Variants in SLC49A4 observed in about 807,000 individuals in gnomAD.
SLC49A4 encodes disrupted in renal cancer protein 2.
A neutral mutation model predicts 50.6 loss-of-function variants in SLC49A4; 36 were observed. The observed-to-expected ratio is 0.71, with a 90% CI of 0.55 to 0.94. The LOEUF is 0.94. Among genes scored for constraint, SLC49A4 ranks in the 40% least tolerant of loss-of-function variants. SLC49A4 has a pLI of 0.00. For missense variants in SLC49A4, 503 were observed against 605.7 expected (o/e 0.83, Z 1.78); for synonymous variants, 248 against 241.2 (o/e 1.03, Z -0.26).
intron 2 of SLC49A4, among the ~76,000 whole-genome samples, chr3:122,824,770 T>A (rs1236576397): frequency 6.8e-6 from 1 of 147,032 alleles, no homozygotes; most frequent in Non-Finnish European, 1.5e-5. Context: ...TCTTGCTCTG[T>A]CGCCCAGGCT....
chr3:122,798,164 G>C (rs139319653), intron 1 of SLC49A4, among the ~76,000 whole-genome samples: 4 of 152,276 alleles, frequency 2.6e-5, no homozygotes, highest in African/African-American at 9.6e-5. Context: ...CCTCCAATCT[G>C]TGATAATTCC....
intron 2 of SLC49A4, among the ~76,000 whole-genome samples, chr3:122,812,325 G>A (rs1377916935): frequency 1.3e-5 from 2 of 152,042 alleles, no homozygotes; most frequent in African/African-American, 4.8e-5. Flanking sequence ...CTTAATAATA[G>A]GAAAAGTAAA....
chr3:122,831,621 G>T (rs1936609530), intron 3 of SLC49A4, among the ~76,000 whole-genome samples: 1 of 152,124 alleles, frequency 6.6e-6, no homozygotes. Context: ...GAGATTGAGA[G>T]TAATGGGTAC....
rs374621202 is a variant in SLC49A4 at position 122,831,460 on chromosome 3, A to G, written c.704-1857A>G. On this transcript the variant is annotated intron_variant, in intron 3 of 8. Transcript: ENST00000261038. ...AAAAAATACTAAAGTACTGATACAT[A>G]CTCCAACATGAATGACCCTTGAGAA... is the stretch of plus-strand genomic sequence containing the variant. 3.9e-5 allele frequency among the ~76,000 whole-genome samples: 6 copies of G among 152,250 alleles called. No homozygotes were observed. In the South Asian group the frequency reaches 1.0e-3, roughly 26 times the overall value.
rs982946167 is a variant in SLC49A4, at chr3:122,836,525, G to A, written c.833+3079G>A. 2.0e-4 allele frequency among the ~76,000 whole-genome samples: 30 copies of A among 151,900 alleles called. 1 individual carries two copies. The South Asian group carries it at 5.2e-3, about 26-fold the overall frequency. ...CTGGCCTCATAAAATGAGTTAGGGA[G>A]GATTCCCTCTTTTTCTATTGATTGG... On this transcript the variant is annotated intron_variant, in intron 4 of 8. Coordinates refer to ENST00000261038, the MANE Select transcript of SLC49A4 (RefSeq NM_032839.3).
In SLC49A4 at chr3:122,864,877, A is replaced by G. The variant is rs963944211; in HGVS notation, c.1138+4675A>G. 2.6e-5 allele frequency among the ~76,000 whole-genome samples: 4 copies of G among 152,166 alleles called. No individual in the cohort carries two copies. In the East Asian group the frequency reaches 5.8e-4, roughly 22 times the overall value. On this transcript the variant is annotated intron_variant, in intron 7 of 8. Coordinates refer to ENST00000261038, the MANE Select transcript of SLC49A4 (RefSeq NM_032839.3). ...AAAAATAAAAAAATTACCAGATATC[A>G]TGGCATGTTTCTGTAATCCCAGCTA...
chr3:122,819,540 A>G (rs927693566), intron 2 of SLC49A4, among the ~76,000 whole-genome samples: 5 of 152,178 alleles, frequency 3.3e-5, no homozygotes, highest in African/African-American at 1.2e-4. Context: ...TACTCAATAG[A>G]TATTTTTAAT....
intron 1 of SLC49A4, among the ~76,000 whole-genome samples, chr3:122,801,557 A>T (rs1936132588): frequency 6.6e-6 from 1 of 152,186 alleles, no homozygotes; most frequent in South Asian, 2.1e-4. Flanking sequence ...AGATCGCGCC[A>T]TTACACTCCA....
chr3:122,796,531 G>A (rs1936043306), intron 1 of SLC49A4, among the ~76,000 whole-genome samples: 2 of 152,164 alleles, frequency 1.3e-5, no homozygotes, highest in Non-Finnish European at 2.9e-5. Context: ...GGCAGAATCG[G>A]TGTCGGGTGA....
intron 5 of SLC49A4, among the ~76,000 whole-genome samples, chr3:122,851,849 A>G (rs147234709): frequency 4.1e-4 from 62 of 151,386 alleles, no homozygotes; most frequent in African/African-American, 1.5e-3. Flanking sequence ...TTGTTATGAC[A>G]TATTCTTTTT....
intron 5 of SLC49A4, 119 bp downstream of exon 5, chr3:122,845,990 G>A (rs1936843016): frequency 3.8e-6 from 2 of 520,770 alleles, no homozygotes; most frequent in Non-Finnish European, 6.2e-6. Flanking sequence ...CTATACCATT[G>A]TTGCAAAAGC....
intron 6 of SLC49A4, among the ~76,000 whole-genome samples, chr3:122,858,954 G>A (rs892042367): frequency 6.6e-6 from 1 of 152,178 alleles, no homozygotes; most frequent in Non-Finnish European, 1.5e-5. Context: ...AACTTAAAAT[G>A]CTATAAAAGT....
chr3:122,795,452 G>C lies in SLC49A4; in HGVS notation c.260G>C (p.Ser87Thr). The change falls in exon 1 of 9, where the codon AGC (serine) becomes ACC (threonine). Residue 87 changes from serine to threonine, a missense_variant. By Grantham distance (58) the Ser-to-Thr change is moderately conservative. Transcript: ENST00000261038. ...GCGCGCCAGGCCTACGGCTTCTCCA[G>C]CTGGGACATCGCGCTGCTCGTGCTG... ...NSARQAYGFS[S>T]WDIALLVLWG... is the part of the protein sequence containing the mutation. The C allele has an allele frequency of 6.2e-7, 1 of 1,607,430 alleles. No homozygotes were observed. Among genetic ancestry groups the C allele is most frequent in the Non-Finnish European group, 8.5e-7 (1 of 1,179,090 alleles).
In SLC49A4 at chr3:122,806,886, T is replaced by A; in HGVS notation, c.373T>A (p.Phe125Ile). The part of the protein sequence containing the change: ...GLRITVLLTS[F>I]LMVLGTGLRC... ...CCGGATAACTGTGCTCCTGACATCC[T>A]TCCTTATGGTTTTGGGAACTGGTCT... The change falls in exon 2 of 9, where the codon TTC (phenylalanine) becomes ATC (isoleucine). Residue 125 changes from phenylalanine (F) to isoleucine (I), a missense_variant. Physicochemically the swap from Phe to Ile is conservative, Grantham distance 21 (BLOSUM62 0). Coordinates refer to ENST00000261038, the MANE Select transcript of SLC49A4 (RefSeq NM_032839.3). 6.2e-7 allele frequency: 1 copy of A among 1,610,478 alleles called. No individual in the cohort carries two copies. Among genetic ancestry groups the A allele is most frequent in the East Asian group, 2.2e-5 (1 of 44,758 alleles).
rs536377777 is a variant in SLC49A4, at chr3:122,823,344, A to T, written c.438-3456A>T. ...ACATGCATATATGCAAAGCCCTGAT[A>T]TATAGGCCAGGGCCAGAGGTCAGAA... On this transcript the variant is annotated intron_variant, in intron 2 of 8. Coordinates refer to ENST00000261038, the MANE Select transcript of SLC49A4 (RefSeq NM_032839.3). Among the ~76,000 whole-genome samples, 20 of 152,392 alleles carry T rather than the reference A, an allele frequency of 1.3e-4. 1 individual carries two copies. In the South Asian group the frequency reaches 4.1e-3, roughly 32 times the overall value.
At chr3:122,803,788 ACT>A (rs985066397) in intron 1 of SLC49A4, among the ~76,000 whole-genome samples, 5 of 152,144 alleles carry the variant, frequency 3.3e-5, no homozygotes, top group African/African-American at 1.2e-4. Context: ...CCATTCCTAC[ACT>A]CAATGGGTCC....
In SLC49A4 at chr3:122,833,373, C is replaced by T; in HGVS notation, c.760C>T (p.Pro254Ser). The T allele has an allele frequency of 6.2e-7, 1 of 1,613,612 alleles. No individual in the cohort carries two copies. Among genetic ancestry groups the T allele is most frequent in the East Asian group, 2.2e-5 (1 of 44,876 alleles). ...SATLAYFPPR[P>S]PLPPSVAAAS... Reference sequence around the variant, plus strand: ...AACACTAGCTTATTTCCCACCCCGACCTCCTCTTCCTCCCAGTGTTGCTGC... The same window carrying T: ...AACACTAGCTTATTTCCCACCCCGATCTCCTCTTCCTCCCAGTGTTGCTGC... Residue 254 changes from proline to serine, a missense_variant, in exon 4 of 9, where the codon CCT (proline) becomes TCT (serine). By Grantham distance (74) the Pro-to-Ser change is moderately conservative. Transcript: ENST00000261038.
chr3:122,818,763 G>A (rs576243707), intron 2 of SLC49A4, among the ~76,000 whole-genome samples: 3 of 151,844 alleles, frequency 2.0e-5, no homozygotes, highest in Non-Finnish European at 4.4e-5. Context: ...GGCTAACATG[G>A]TGAAACCCCA....
At chr3:122,798,048 T>A (rs1284328326) in intron 1 of SLC49A4, among the ~76,000 whole-genome samples, 1 of 152,144 alleles carries the variant, frequency 6.6e-6, no homozygotes, top group East Asian at 1.9e-4. Flanking sequence ...AATATTTTTT[T>A]AAAAAGAAAA....
Sources: allele counts gnomAD v4.1 joint callset (sites outside exome capture counted in the v4.1 genomes callset), GRCh38; gene constraint gnomAD v4.1.1; transcripts MANE v1.5; gene names NCBI Gene and HGNC (gene_info 2026-07-23, HGNC 2026-07-21).